Variants in OTOGL observed in about 807,000 individuals in gnomAD.
OTOGL encodes the protein otogelin like, also known as otogelin-like protein.
OTOGL carries 285 observed loss-of-function variants against 318.5 expected under a neutral mutation model. The ratio of observed to expected loss-of-function variants is 0.89; its 90% CI spans 0.81 to 0.99. The LOEUF (loss-of-function observed/expected upper bound fraction) is 0.99. OTOGL is among the 50% of genes least tolerant of loss of function. The probability of loss-of-function intolerance (pLI) is 0.00; values close to 1 mark genes in which losing one functional copy is unlikely to be tolerated. For missense variants in OTOGL, 2,899 were observed against 2,845.6 expected, an observed-to-expected ratio of 1.02 and a Z score of -0.43; for synonymous variants, 987 against 936.5, an observed-to-expected ratio of 1.05 and a Z score of -0.99.
chr12:80,237,627 T>C (rs990144937), intron 9 of OTOGL, among the ~76,000 whole-genome samples: 1 of 151,920 alleles, frequency 6.6e-6, no homozygotes, highest in African/African-American at 2.4e-5. Flanking sequence ...GCAGAAGATA[T>C]ATGAGGGGCA....
chr12:80,161,327 AAATGAG>A (rs1490380025), intron 1 of OTOGL, among the ~76,000 whole-genome samples: 1 of 152,142 alleles, frequency 6.6e-6, no homozygotes, highest in Non-Finnish European at 1.5e-5. Flanking sequence ...AGGAGGAGAT[AAATGAG>A]AATAAGTAGG....
At chr12:80,345,555 C>T (rs1018623702) in intron 44 of OTOGL, among the ~76,000 whole-genome samples, 2 of 151,836 alleles carry the variant, frequency 1.3e-5, no homozygotes, top group African/African-American at 4.8e-5. Flanking sequence ...AATATTTTTA[C>T]AGTCAGAGTT....
intron 19 of OTOGL, among the ~76,000 whole-genome samples, chr12:80,264,380 A>G (rs1005117060): frequency 6.6e-6 from 1 of 152,152 alleles, no homozygotes; most frequent in African/African-American, 2.4e-5. Context: ...GGCCTTCAGC[A>G]TATACCCTAA....
intron 27 of OTOGL, among the ~76,000 whole-genome samples, chr12:80,297,164 T>G (rs370589317): frequency 6.6e-6 from 1 of 152,094 alleles, no homozygotes; most frequent in African/African-American, 2.4e-5. Context: ...TCCAATTCGC[T>G]CCTCTTGCTT....
intron 6 of OTOGL, among the ~76,000 whole-genome samples, chr12:80,221,034 C>T (rs1878272616): frequency 1.3e-5 from 2 of 151,980 alleles, no homozygotes; most frequent in South Asian, 2.1e-4. Context: ...TTTATGCCCC[C>T]CACCCAGAGT....
rs1457561249 is a variant in OTOGL at position 80,296,900 on chromosome 12, A to G, written c.3002A>G (p.Lys1001Arg). The change falls in exon 27 of 59, where the codon AAA becomes AGA. Residue 1001 changes from lysine (K) to arginine (R), a missense_variant. By Grantham distance (26) the Lys-to-Arg change is conservative. Transcript: ENST00000547103. ...KCFDNDIVCS[K>R]SVLISVGDTE... ...TTTGACAACGATATTGTTTGTTCTA[A>G]AAGTGTTTTGATTTCAGTTGGGGAC... 4 of 1,541,286 alleles carry G rather than the reference A, an allele frequency of 2.6e-6. No homozygotes were observed. In the South Asian group the frequency reaches 3.6e-5, roughly 14 times the overall value.
In OTOGL at chr12:80,270,128, G is replaced by A. The variant is rs993419539; in HGVS notation, c.2492G>A (p.Cys831Tyr). The change falls in exon 23 of 59, where the codon TGT becomes TAT. Residue 831 changes from cysteine (C) to tyrosine (Y), a missense_variant. Transcript: ENST00000547103. ...CAGTGTTCAAATGGGACTGTGAAAT[G>A]TGATGAATTAGCAACGCCCTCTGCT... Reference protein sequence around the residue: ...LCQCSNGTVKCDELATPSAVH... With the variant: ...LCQCSNGTVKYDELATPSAVH... 1.2e-6 allele frequency: 2 copies of A among 1,605,288 alleles called. No homozygotes were observed. Among genetic ancestry groups the A allele is most frequent in the Non-Finnish European group, 1.7e-6 (2 of 1,172,792 alleles).
At chr12:80,120,010 AG>A (rs1214275988) in intron 1 of OTOGL, among the ~76,000 whole-genome samples, 1 of 152,138 alleles carries the variant, frequency 6.6e-6, no homozygotes, top group Non-Finnish European at 1.5e-5. Context: ...TCTCTTAGAA[AG>A]CAATAGTTCA....
At chr12:80,247,070 C>T (rs1880970755) in intron 11 of OTOGL, among the ~76,000 whole-genome samples, 1 of 122,708 alleles carries the variant, frequency 8.1e-6, no homozygotes, top group Non-Finnish European at 1.6e-5. Flanking sequence ...CTTTATTAGT[C>T]TTGCTAGCAG....
At chr12:80,328,392 G>A (rs1195819747) in intron 35 of OTOGL, among the ~76,000 whole-genome samples, 1 of 152,070 alleles carries the variant, frequency 6.6e-6, no homozygotes, top group East Asian at 1.9e-4. Flanking sequence ...ACTGACTTAT[G>A]GAACAGGGAC....
chr12:80,223,897 A>G (rs1878587603), intron 7 of OTOGL, among the ~76,000 whole-genome samples: 1 of 151,908 alleles, frequency 6.6e-6, no homozygotes, highest in African/African-American at 2.4e-5. Flanking sequence ...TACTCTGTTG[A>G]TTATTTCTTT....
chr12:80,190,600 A>G (rs1280889708), intron 1 of OTOGL, among the ~76,000 whole-genome samples: 1 of 151,800 alleles, frequency 6.6e-6, no homozygotes, highest in Non-Finnish European at 1.5e-5. Context: ...ATCCTGGCTA[A>G]CACGGTGAAA....
At chr12:80,306,496 T>A (rs1886113984) in intron 29 of OTOGL, among the ~76,000 whole-genome samples, 1 of 152,214 alleles carries the variant, frequency 6.6e-6, no homozygotes, top group African/African-American at 2.4e-5. Flanking sequence ...ATTTGGTTAG[T>A]TACTTCTCTA....
At chr12:80,102,827 G>A (rs1869219906) in intron 1 of OTOGL, 4 of 660,982 alleles carry the variant, frequency 6.1e-6, no homozygotes, top group Non-Finnish European at 8.0e-6. Context: ...TACTCTCGGA[G>A]CTCTAGTCAT....
Position 80,367,723 on chromosome 12 carries a change from C to CA in OTOGL, c.6501dup (p.Cys2168MetfsTer2), listed in dbSNP as rs1361238129. On this transcript the variant is annotated frameshift_variant, in exon 54 of 59. Transcript: ENST00000547103. LOFTEE classifies it high-confidence loss of function. ...CTGAATTTTACACTGGTGAATTGTT[C>CA]AAAAAAATGTGATGTTGTAAGTATT... The CA allele has an allele frequency of 6.4e-6, 9 of 1,413,472 alleles. No homozygotes were observed. The South Asian group carries it at 8.3e-5, about 13-fold the overall frequency. The allele number at this position is 1,413,472 out of a possible 1,614,324, so 87.6% of individuals were successfully genotyped here.
At chr12:80,285,820 C>T (rs776777596) in intron 26 of OTOGL, among the ~76,000 whole-genome samples, 4 of 151,958 alleles carry the variant, frequency 2.6e-5, no homozygotes, top group Non-Finnish European at 5.9e-5. Flanking sequence ...ATCTGCAAAC[C>T]GAGACAATTT....
chr12:80,365,872 T>C (rs1200674128), intron 52 of OTOGL, among the ~76,000 whole-genome samples: 1 of 152,178 alleles, frequency 6.6e-6, no homozygotes, highest in Non-Finnish European at 1.5e-5. Context: ...GAAAAGTTGA[T>C]GCTTTAGACA....
intron 8 of OTOGL, 149 bp downstream of exon 8, chr12:80,229,527 T>A (rs1879179985): frequency 8.9e-7 from 1 of 1,127,168 alleles, no homozygotes; most frequent in Admixed American, 2.5e-5. Context: ...CATCAAAACT[T>A]CGGTAGGCTC....
At chr12:80,198,353 G>A (rs569585861) in intron 1 of OTOGL, among the ~76,000 whole-genome samples, 4 of 152,232 alleles carry the variant, frequency 2.6e-5, no homozygotes, top group Non-Finnish European at 4.4e-5. Flanking sequence ...TTGGGGGGCC[G>A]AGGCAGGCGG....
Sources: gnomAD v4.1 joint callset for allele counts (sites outside exome capture counted in the v4.1 genomes callset) on GRCh38, gnomAD v4.1.1 for gene constraint, MANE v1.5 for transcripts, NCBI Gene and HGNC (gene_info 2026-07-23, HGNC 2026-07-21) for gene names.